Variants in FNDC3B observed in about 807,000 individuals in gnomAD.
FNDC3B encodes the protein fibronectin type III domain containing 3B.
FNDC3B carries 12 observed loss-of-function variants against 151.5 expected under a neutral mutation model. That is an observed-to-expected ratio of 0.08 (90% CI 0.05 to 0.13). The LOEUF is 0.13. FNDC3B is among the 10% of genes least tolerant of loss of function. The probability of loss-of-function intolerance (pLI) is 1.00; values close to 1 mark genes in which losing one functional copy is unlikely to be tolerated. For missense variants in FNDC3B, 1,214 were observed against 1,505.3 expected (o/e 0.81, Z 3.20); for synonymous variants, 528 against 549.0 (o/e 0.96, Z 0.54).
intron 11 of FNDC3B, among the ~76,000 whole-genome samples, chr3:172,325,322 C>T (rs1225402080): frequency 1.3e-5 from 2 of 152,204 alleles, no homozygotes; most frequent in Non-Finnish European, 2.9e-5. Context: ...ATTATAATCT[C>T]TCAAAATCTC....
intron 1 of FNDC3B, among the ~76,000 whole-genome samples, chr3:172,069,283 T>C (rs1243094227): frequency 1.3e-5 from 2 of 152,270 alleles, no homozygotes; most frequent in South Asian, 2.1e-4. Flanking sequence ...CCACTTGAAG[T>C]GGACAGTTTT....
At chr3:172,273,505 C>T (rs1007490768) in intron 6 of FNDC3B, among the ~76,000 whole-genome samples, 6 of 152,208 alleles carry the variant, frequency 3.9e-5, no homozygotes, top group Non-Finnish European at 8.8e-5. Flanking sequence ...CTTATACATG[C>T]ACAGAGCAAC....
At chr3:172,196,694 G>A (rs1724850418) in intron 3 of FNDC3B, among the ~76,000 whole-genome samples, 1 of 152,070 alleles carries the variant, frequency 6.6e-6, no homozygotes, top group African/African-American at 2.4e-5. Context: ...ATAGAAGAGG[G>A]AGGGTCTAGA....
rs560631121 is a variant in FNDC3B, at chr3:172,090,421, AAAAT to A, written c.-28-22027_-28-22024del. ...GAGAGGAAACCTAGGGCTGTGACCA[AAAAT>A]AAACAAACAAACAAACAAACAAACA... On this transcript the variant is annotated intron_variant, in intron 1 of 25. Transcript: ENST00000415807. Among the ~76,000 whole-genome samples, 491 of 113,344 alleles carry A rather than the reference AAAAT, an allele frequency of 4.3e-3. 6 individuals are homozygous for A. The highest frequency in any genetic ancestry group is 0.014 in the African/African-American group (472 of 33,042). The allele number at this position is 113,344 out of a possible 152,430, so 74.4% of individuals were successfully genotyped here.
intron 1 of FNDC3B, among the ~76,000 whole-genome samples, chr3:172,078,783 C>G (rs1198785708): frequency 1.3e-5 from 2 of 152,218 alleles, no homozygotes; most frequent in South Asian, 2.1e-4. Context: ...CTTTCTTGTG[C>G]TCATTGGTTT....
At chr3:172,103,813 C>G (rs1211550794) in intron 1 of FNDC3B, among the ~76,000 whole-genome samples, 1 of 152,176 alleles carries the variant, frequency 6.6e-6, no homozygotes, top group Non-Finnish European at 1.5e-5. Flanking sequence ...TTTTACTTCA[C>G]TAATGAACAC....
chr3:172,154,869 G>T (rs1296405345), intron 3 of FNDC3B, among the ~76,000 whole-genome samples: 2 of 152,106 alleles, frequency 1.3e-5, no homozygotes, highest in African/African-American at 4.8e-5. Context: ...AGGAGCTGCT[G>T]TAATGGCTTC....
At position 172,258,172 on chromosome 3, in the gene FNDC3B, G is replaced by A. The variant is rs146489161; in HGVS notation, c.790+6631G>A. Among the ~76,000 whole-genome samples the A allele has an allele frequency of 1.7e-3, 259 of 152,240 alleles. 1 individual carries two copies. The highest frequency in any genetic ancestry group is 6.2e-3 in the African/African-American group (256 of 41,536). On this transcript the variant is annotated intron_variant, in intron 6 of 25. Coordinates refer to ENST00000415807, the MANE Select transcript of FNDC3B (RefSeq NM_022763.4). ...ATTCCAAATACGGAAGAAAATGAAC[G>A]TACAGCATACTCTTGGCATTTGACC...
chr3:172,118,233 C>T (rs1296215548), intron 2 of FNDC3B, among the ~76,000 whole-genome samples: 1 of 152,196 alleles, frequency 6.6e-6, no homozygotes, highest in Non-Finnish European at 1.5e-5. Context: ...TCAAATGTGC[C>T]CCTCCTCCTA....
intron 3 of FNDC3B, among the ~76,000 whole-genome samples, chr3:172,187,930 A>G (rs1177736259): frequency 6.6e-6 from 1 of 152,024 alleles, no homozygotes; most frequent in Non-Finnish European, 1.5e-5. Context: ...TATTATTATT[A>G]ATTATAATTC....
intron 6 of FNDC3B, among the ~76,000 whole-genome samples, chr3:172,281,158 C>T (rs1729689119): frequency 6.6e-6 from 1 of 151,702 alleles, no homozygotes; most frequent in African/African-American, 2.4e-5. Flanking sequence ...ATCTGCAAAA[C>T]AAAATGCCCC....
intron 8 of FNDC3B, among the ~76,000 whole-genome samples, chr3:172,297,850 A>G (rs1730719232): frequency 6.6e-6 from 1 of 152,190 alleles, no homozygotes; most frequent in Non-Finnish European, 1.5e-5. Flanking sequence ...GAATTTTTTT[A>G]AAGAACCACA....
chr3:172,332,009 T>C lies in FNDC3B; in HGVS notation c.1555-1080T>C, dbSNP rs372605255. Among the ~76,000 whole-genome samples the C allele has an allele frequency of 2.6e-4, 40 of 152,276 alleles. No homozygotes were observed. In the East Asian group the frequency reaches 6.4e-3, roughly 24 times the overall value. The stretch of plus-strand genomic sequence containing the variant: ...GTTTTGAGATGTAGTTTCGCCTTGT[T>C]GTCCAGGCTGGAGTGCGGTGGTGCA... On this transcript the variant is annotated intron_variant, in intron 13 of 25. Transcript: ENST00000415807.
rs1459793349 is a variant in FNDC3B, at chr3:172,133,379, GC to G, written c.112-91del. On this transcript the variant is annotated intron_variant, in intron 2 of 25. Transcript: ENST00000415807. The stretch of plus-strand genomic sequence containing the variant: ...GTTTATAAAAGATTTTATGCCACAT[GC>G]TTCCTGTCTAGTATATAAATTTAGG... The G allele has an allele frequency of 4.1e-6, 4 of 968,030 alleles. No individual in the cohort carries two copies. In the African/African-American group the frequency reaches 6.7e-5, roughly 16 times the overall value. The allele number at this position is 968,030 out of a possible 1,614,324, so 60.0% of individuals were successfully genotyped here.
At chr3:172,190,516 G>T (rs1428935376) in intron 3 of FNDC3B, among the ~76,000 whole-genome samples, 1 of 152,038 alleles carries the variant, frequency 6.6e-6, no homozygotes, top group African/African-American at 2.4e-5. Flanking sequence ...TTCAAATTTT[G>T]CCCTTGTAAA....
intron 1 of FNDC3B, among the ~76,000 whole-genome samples, chr3:172,105,413 A>G (rs777490726): frequency 6.6e-6 from 1 of 152,162 alleles, no homozygotes; most frequent in Non-Finnish European, 1.5e-5. Flanking sequence ...AATCACTCAT[A>G]AAACATTAGC....
intron 23 of FNDC3B, among the ~76,000 whole-genome samples, chr3:172,369,847 A>G (rs929468107): frequency 6.6e-6 from 1 of 152,082 alleles, no homozygotes; most frequent in East Asian, 1.9e-4. Flanking sequence ...ATCCATTTCT[A>G]TTTTGAGCAC....
At chr3:172,089,626 A>T (rs180799255) in intron 1 of FNDC3B, among the ~76,000 whole-genome samples, 11 of 152,350 alleles carry the variant, frequency 7.2e-5, no homozygotes, top group African/African-American at 2.6e-4. Context: ...ATATAATTTC[A>T]GTCATAGCAC....
chr3:172,055,774 A>C (rs1716882263), intron 1 of FNDC3B, among the ~76,000 whole-genome samples: 2 of 150,852 alleles, frequency 1.3e-5, no homozygotes, highest in Admixed American at 6.6e-5. Context: ...GTTTGTTCCT[A>C]GTATGTTTCT....
Sources: gnomAD v4.1 joint callset for allele counts (sites outside exome capture counted in the v4.1 genomes callset) on GRCh38, gnomAD v4.1.1 for gene constraint, MANE v1.5 for transcripts, NCBI Gene and HGNC (gene_info 2026-07-23, HGNC 2026-07-21) for gene names.